The following KCTD19 variants were observed in gnomAD, a reference collection of about 807,000 sequenced individuals.
KCTD19 encodes potassium channel tetramerization domain containing 19.
KCTD19 carries 67 observed loss-of-function variants against 103.5 expected under a neutral mutation model. The observed-to-expected ratio is 0.65, with a 90% CI of 0.53 to 0.79. The LOEUF (loss-of-function observed/expected upper bound fraction) is 0.79, where lower values mean the gene tolerates loss of function less well. Ranked by LOEUF, KCTD19 falls within the 30% of genes least tolerant of loss-of-function variation. KCTD19 has a pLI of 0.00. For synonymous variants in KCTD19, 439 were observed against 452.2 expected (o/e 0.97, Z 0.37); for missense variants, 980 against 1,136.1 (o/e 0.86, Z 1.98).
chr16:67,308,978 C>T (rs2036922378), intron 2 of KCTD19, among the ~76,000 whole-genome samples: 1 of 151,656 alleles, frequency 6.6e-6, no homozygotes, highest in African/African-American at 2.4e-5. Flanking sequence ...ACTAAATATA[C>T]AAAAAATTAG....
chr16:67,322,920 G>T (rs2037091574), intron 1 of KCTD19, among the ~76,000 whole-genome samples: 1 of 152,024 alleles, frequency 6.6e-6, no homozygotes, highest in Non-Finnish European at 1.5e-5. Flanking sequence ...TCTCTCCAAA[G>T]AATATATACA....
intron 2 of KCTD19, among the ~76,000 whole-genome samples, chr16:67,308,149 C>T (rs946867377): frequency 1.3e-5 from 2 of 150,952 alleles, no homozygotes; most frequent in Admixed American, 6.6e-5. Context: ...CATCCTCCCT[C>T]CTTCCTTCCT....
At chr16:67,298,842 C>G (rs914249222) in intron 6 of KCTD19, among the ~76,000 whole-genome samples, 1 of 152,220 alleles carries the variant, frequency 6.6e-6, no homozygotes, top group Admixed American at 6.5e-5. Flanking sequence ...GATTCCTTGC[C>G]CCTGCACTAA....
In KCTD19 at chr16:67,303,357, C is replaced by T; in HGVS notation, c.452-20G>A. 6.3e-7 allele frequency: 1 copy of T among 1,592,664 alleles called. No individual in the cohort carries two copies. Among genetic ancestry groups the T allele is most frequent in the Non-Finnish European group, 8.6e-7 (1 of 1,167,262 alleles). ...GTAGGCCTGGAAGAGAACATGCAGG[C>T]AGTGTTGCCACCTCTCAGAAGCCAG... is the stretch of plus-strand genomic sequence containing the variant. On this transcript the variant is annotated intron_variant, in intron 3 of 15. Transcript: ENST00000304372. This position sits in a 1 kb window ranked among gnomAD's most constrained non-coding sequence, Gnocchi z 4.3.
chr16:67,297,238 G>A (rs949644569), intron 7 of KCTD19, among the ~76,000 whole-genome samples: 1 of 152,194 alleles, frequency 6.6e-6, no homozygotes, highest in Admixed American at 6.5e-5. Flanking sequence ...AGCTCCCAGG[G>A]TCAAGGCAGG....
At chr16:67,299,694 T>C (rs1239807797) in intron 5 of KCTD19, 121 bp from the exon 6 acceptor site, 1 of 735,742 alleles carries the variant, frequency 1.4e-6, no homozygotes, top group East Asian at 2.6e-5. Flanking sequence ...GGAAGGATAT[T>C]TCTTTGCACA....
intron 8 of KCTD19, 62 bp from the exon 9 acceptor site, chr16:67,295,467 A>C: frequency 6.7e-7 from 1 of 1,500,614 alleles, no homozygotes. Context: ...GGGGCAGGTC[A>C]ATCTTCTCTC....
chr16:67,320,834 C>G lies in KCTD19; in HGVS notation c.55G>C (p.Val19Leu), dbSNP rs761287238. 10 of 1,614,056 alleles carry G rather than the reference C, an allele frequency of 6.2e-6. No homozygotes were observed. The highest frequency in any genetic ancestry group is 1.1e-5 in the South Asian group (1 of 91,086). Residue 19 changes from valine to leucine, a missense_variant, in exon 2 of 16, where the codon GTA (valine) becomes CTA (leucine). Transcript: ENST00000304372. The surrounding 1 kb of genome is among the most constrained non-coding windows in gnomAD (Gnocchi z 4.0). ...ESAEDLFHFN[V>L]GGWHFSVPRS... Reference sequence around the variant, plus strand: ...GGAACTGAGAAATGCCAGCCCCCTACGTTGAAATGAAACAAGTCCTCTGCT... The same window carrying G: ...GGAACTGAGAAATGCCAGCCCCCTAGGTTGAAATGAAACAAGTCCTCTGCT...
chr16:67,317,721 TG>T (rs998171435), intron 2 of KCTD19, among the ~76,000 whole-genome samples: 115 of 152,314 alleles, frequency 7.6e-4, no homozygotes, highest in African/African-American at 2.8e-3. Flanking sequence ...GTTTTAGATG[TG>T]GCTATAGAAA....
At position 67,308,674 on chromosome 16, in the gene KCTD19, C is replaced by A. The variant is rs542553397; in HGVS notation, c.301-4103G>T. ...TCTGAGCCAGAATGGGTCATCCCCC[C>A]ACTTTGTTCCCACAGACACTCAACA... is the stretch of plus-strand genomic sequence containing the variant. On this transcript the variant is annotated intron_variant, in intron 2 of 15. Coordinates refer to ENST00000304372, the MANE Select transcript of KCTD19 (RefSeq NM_001100915.3). 4.6e-3 allele frequency among the ~76,000 whole-genome samples: 626 copies of A among 137,086 alleles called. 3 individuals carry two copies. Among genetic ancestry groups the A allele is most frequent in the African/African-American group, 0.022 (611 of 27,754 alleles). 89.9% of individuals were successfully genotyped at this position (137,086 alleles called of 152,430 possible). A position where few individuals can be genotyped will look rare whatever the true frequency, so the allele number is the denominator to read the frequency against.
chr16:67,291,535 G>A, intron 13 of KCTD19, 72 bp from the exon 14 acceptor site: 1 of 1,575,092 alleles, frequency 6.3e-7, no homozygotes, highest in Non-Finnish European at 8.6e-7. Flanking sequence ...GTGAGGAGGG[G>A]GAGAGGGGTA....
intron 2 of KCTD19, among the ~76,000 whole-genome samples, chr16:67,312,377 T>C (rs1567453106): frequency 6.6e-6 from 1 of 152,186 alleles, no homozygotes; most frequent in Non-Finnish European, 1.5e-5. Flanking sequence ...ACACAGGAAG[T>C]TCTAGGAGGC....
In KCTD19 at chr16:67,291,693, A is replaced by G. The variant is rs777900713; in HGVS notation, c.2363T>C (p.Met788Thr). Residue 788 changes from methionine to threonine, a missense_variant, in exon 13 of 16, where the codon ATG becomes ACG. Met to Thr is a moderately conservative substitution (Grantham distance 81, BLOSUM62 -1). Coordinates refer to ENST00000304372, the MANE Select transcript of KCTD19 (RefSeq NM_001100915.3). ...GGGTGTTGTGTGCCTGAGGTTGTCC[A>G]TCTCCGTGGTATAGATGATGCTGTC... ...FEDSIIYTTEMDNLRHTTPTA... is the reference protein window; with the variant it reads ...FEDSIIYTTETDNLRHTTPTA... 2 of 1,614,044 alleles carry G rather than the reference A, an allele frequency of 1.2e-6. No homozygotes were observed. Among genetic ancestry groups the G allele is most frequent in the South Asian group, 1.1e-5 (1 of 91,068 alleles).
At chr16:67,318,953 T>C (rs1161640303) in intron 2 of KCTD19, among the ~76,000 whole-genome samples, 1 of 152,140 alleles carries the variant, frequency 6.6e-6, no homozygotes, top group Non-Finnish European at 1.5e-5. Flanking sequence ...CCAGGTGCGG[T>C]GGCTCACGCC....
intron 2 of KCTD19, among the ~76,000 whole-genome samples, chr16:67,308,857 G>A (rs1027913749): frequency 6.6e-6 from 1 of 152,146 alleles, no homozygotes; most frequent in African/African-American, 2.4e-5. Flanking sequence ...GGCTAGCCAG[G>A]TGCGGTGGCT....
Position 67,303,250 on chromosome 16 carries a change from T to A in KCTD19, c.539A>T (p.Asp180Val). 6.2e-7 allele frequency: 1 copy of A among 1,614,046 alleles called. No homozygotes were observed. Among genetic ancestry groups the A allele is most frequent in the Non-Finnish European group, 8.5e-7 (1 of 1,179,966 alleles). ...TAGGCTGGGATATTTGGCCACCAGG[T>A]CTAGGGGCAGGAAGCAGTAGTGCAC... Reference protein sequence around the residue: ...EEVHYCFLPLDLVAKYPSLVT... With the variant: ...EEVHYCFLPLVLVAKYPSLVT... Residue 180 changes from aspartate (D) to valine (V), a missense_variant, in exon 4 of 16, where the codon GAC becomes GTC. Asp to Val is a radical substitution (Grantham distance 152). Transcript: ENST00000304372. This position sits in a 1 kb window ranked among gnomAD's most constrained non-coding sequence, Gnocchi z 4.3.
chr16:67,307,269 C>T (rs1254703673), intron 2 of KCTD19, among the ~76,000 whole-genome samples: 4 of 151,570 alleles, frequency 2.6e-5, no homozygotes, highest in Non-Finnish European at 2.9e-5. Context: ...CCACCTCACC[C>T]TCCTGAGTAG....
chr16:67,315,375 A>G (rs544599082), intron 2 of KCTD19, among the ~76,000 whole-genome samples: 2 of 135,252 alleles, frequency 1.5e-5, no homozygotes, highest in South Asian at 2.3e-4. Context: ...GCTCAATCTC[A>G]GCTCCCTGCA....
At chr16:67,309,235 G>A (rs1044471255) in intron 2 of KCTD19, among the ~76,000 whole-genome samples, 6 of 152,080 alleles carry the variant, frequency 3.9e-5, no homozygotes, top group African/African-American at 1.2e-4. Flanking sequence ...CTCCAAAGAA[G>A]CGAACAGAGA....
Sources: allele counts gnomAD v4.1 joint callset (sites outside exome capture counted in the v4.1 genomes callset), GRCh38; gene constraint gnomAD v4.1.1; non-coding constraint Gnocchi (gnomAD v3.1); transcripts MANE v1.5; gene names NCBI Gene and HGNC (gene_info 2026-07-23, HGNC 2026-07-21).